Variants in NFKBID observed in about 807,000 individuals in gnomAD.
NFKBID encodes the protein NF-kappa-B inhibitor delta.
In NFKBID, 26 loss-of-function variants were observed where a neutral mutation model predicts 53.4. The ratio of observed to expected loss-of-function variants is 0.49; its 90% CI spans 0.36 to 0.68. The LOEUF is 0.68. Among genes scored for constraint, NFKBID ranks in the 30% least tolerant of loss-of-function variants. The pLI, the probability that NFKBID is intolerant of heterozygous loss-of-function variation, is 0.00. For missense variants in NFKBID, 493 were observed against 614.1 expected (o/e 0.80, Z 2.08); for synonymous variants, 262 against 259.8 (o/e 1.01, Z -0.08).
At chr19:35,892,295 G>A (rs956721809) in intron 9 of NFKBID, among the ~76,000 whole-genome samples, 21 of 152,022 alleles carry the variant, frequency 1.4e-4, no homozygotes, top group East Asian at 1.9e-4. Context: ...CGAGCAGTCC[G>A]CCCACCTGAG....
chr19:35,897,890 GT>G, intron 3 of NFKBID, 34 bp from the exon 4 acceptor site: 1 of 1,444,058 alleles, frequency 6.9e-7, no homozygotes, highest in Non-Finnish European at 9.4e-7. Context: ...GGCAGGTCTG[GT>G]TACCAGAGTT....
chr19:35,900,732 T>A (rs1282017267), upstream of NFKBID: 4 of 1,002,434 alleles, frequency 4.0e-6, no homozygotes, highest in Non-Finnish European at 2.6e-6. Flanking sequence ...GGTCCAGATC[T>A]TTGCTCTGAA....
chr19:35,888,866 C>T (rs1019799807), intron 11 of NFKBID, among the ~76,000 whole-genome samples: 9 of 152,134 alleles, frequency 5.9e-5, no homozygotes, highest in Admixed American at 3.3e-4. Context: ...GCCAACATGG[C>T]GAAACCCCGC....
intron 11 of NFKBID, among the ~76,000 whole-genome samples, chr19:35,889,045 CA>C (rs537535858): frequency 0.16 from 17,363 of 105,478 alleles, 1,919 homozygotes; most frequent in African/African-American, 0.37. Context: ...ACTCCGCCTC[CA>C]AAAAAAAAAA....
At chr19:35,900,633 G>T in exon 1 of NFKBID, 1 of 1,229,076 alleles carries the variant, frequency 8.1e-7, no homozygotes, top group Non-Finnish European at 1.0e-6. Context: ...GGGAGTCCCC[G>T]GGTCGCGCTC....
intron 9 of NFKBID, among the ~76,000 whole-genome samples, chr19:35,893,073 G>A (rs1314511954): frequency 6.6e-6 from 1 of 152,158 alleles, no homozygotes; most frequent in East Asian, 1.9e-4. Flanking sequence ...GGAGGCTGAG[G>A]TGGAAGGAAT....
chr19:35,897,736 G>T (rs777295206), exon 4 of NFKBID: 1 of 1,612,834 alleles, frequency 6.2e-7, no homozygotes, highest in East Asian at 2.2e-5. Context: ...GGCAGCAGAA[G>T]CAGGGCAAGA....
At chr19:35,890,939 G>A (rs1974724141) in intron 9 of NFKBID, among the ~76,000 whole-genome samples, 1 of 152,080 alleles carries the variant, frequency 6.6e-6, no homozygotes, top group Non-Finnish European at 1.5e-5. Flanking sequence ...TCAGTTGTAT[G>A]TCTTGTGCAC....
intron 9 of NFKBID, among the ~76,000 whole-genome samples, chr19:35,893,774 C>G (rs905676201): frequency 1.3e-5 from 2 of 149,294 alleles, no homozygotes; most frequent in Non-Finnish European, 3.0e-5. Context: ...GAGCCGAGAT[C>G]GCACCACTGC....
chr19:35,899,120 TA>T (rs1393994330), intron 1 of NFKBID, among the ~76,000 whole-genome samples: 1 of 152,102 alleles, frequency 6.6e-6, no homozygotes, highest in Non-Finnish European at 1.5e-5. Context: ...CCCACTTCCG[TA>T]AAAAAATTCC....
chr19:35,895,724 AACCCGGG>A (rs1179446522), intron 9 of NFKBID, among the ~76,000 whole-genome samples: 3 of 152,170 alleles, frequency 2.0e-5, no homozygotes, highest in African/African-American at 7.2e-5. Flanking sequence ...GAATCACTTG[AACCCGGG>A]ATGCAGAGGT....
upstream of NFKBID, chr19:35,901,955 G>A (rs1975578421): frequency 1.8e-5 from 10 of 566,962 alleles, no homozygotes; most frequent in South Asian, 1.8e-4. Flanking sequence ...TTCAGTGTGT[G>A]TTGTGATAGG....
Position 35,896,553 on chromosome 19 carries a change from A to T in NFKBID, c.685-15T>A, listed in dbSNP as rs1975167376. On this transcript the variant is annotated splice_polypyrimidine_tract_variant and intron_variant, in intron 6 of 11. Transcript: ENST00000641389. The surrounding 1 kb of genome is among the most constrained non-coding windows in gnomAD (Gnocchi z 5.7). ...AGGAGAGGGGTCTGCAGGCCACAGG[A>T]GAAGTCAGGTTGGGCTCCTGGTTCC... 6.2e-7 allele frequency: 1 copy of T among 1,613,378 alleles called. No individual in the cohort carries two copies. Among genetic ancestry groups the T allele is most frequent in the African/African-American group, 1.3e-5 (1 of 74,812 alleles).
chr19:35,890,807 T>G (rs1350535491), intron 9 of NFKBID: 2 of 375,318 alleles, frequency 5.3e-6, no homozygotes, highest in Non-Finnish European at 1.0e-5. Flanking sequence ...ACGGCTGCAG[T>G]GGGCCATGAC....
intron 10 of NFKBID, 36 bp downstream of exon 10, chr19:35,890,338 C>T: frequency 6.9e-7 from 1 of 1,443,902 alleles, no homozygotes; most frequent in Non-Finnish European, 9.7e-7. Flanking sequence ...CCTACCGTAC[C>T]CCACACAATC....
At chr19:35,891,332 G>A (rs1297599742) in intron 9 of NFKBID, among the ~76,000 whole-genome samples, 2 of 152,256 alleles carry the variant, frequency 1.3e-5, no homozygotes, top group East Asian at 1.9e-4. Flanking sequence ...GCTGATAACA[G>A]GGCAAAACCA....
intron 9 of NFKBID, chr19:35,890,724 C>G: frequency 1.9e-6 from 1 of 523,200 alleles, no homozygotes; most frequent in South Asian, 1.7e-5. Flanking sequence ...ATTAGCCAGG[C>G]GTGGTGGTGC....
Position 35,896,689 on chromosome 19 carries a change from C to G in NFKBID, c.684+37G>C. On this transcript the variant is annotated intron_variant, in intron 6 of 11. Coordinates refer to ENST00000641389, the Ensembl canonical transcript of NFKBID. The surrounding 1 kb of genome is among the most constrained non-coding windows in gnomAD (Gnocchi z 5.7). ...GGGTCCAGGCCCCAGGCTCCTTCCT[C>G]CCCTGAACCCAGGAGAGTTCAGGCC... The G allele has an allele frequency of 6.3e-7, 1 of 1,596,688 alleles. No individual in the cohort carries two copies. Among genetic ancestry groups the G allele is most frequent in the Non-Finnish European group, 8.6e-7 (1 of 1,165,968 alleles).
At chr19:35,901,591 A>G (rs1055782021), upstream of NFKBID, 2 of 151,934 alleles carry the variant, frequency 1.3e-5, no homozygotes, top group African/African-American at 4.9e-5. Flanking sequence ...TTATTATTAC[A>G]TTTTTATTGT....
Sources: gnomAD v4.1 joint callset for allele counts (sites outside exome capture counted in the v4.1 genomes callset) on GRCh38, gnomAD v4.1.1 for gene constraint, Gnocchi (gnomAD v3.1) non-coding constraint, MANE v1.5 for transcripts, NCBI Gene and HGNC (gene_info 2026-07-23, HGNC 2026-07-21) for gene names.